Variants in EYS observed in about 807,000 individuals in gnomAD.
The protein encoded by EYS is EGF-like photoreceptor maintenance factor.
A neutral mutation model predicts 282.1 loss-of-function variants in EYS; 250 were observed. That is an observed-to-expected ratio of 0.89 (90% CI 0.80 to 0.98). The LOEUF is 0.98. Ranked by LOEUF, EYS falls within the 50% of genes least tolerant of loss-of-function variation. The pLI, the probability that EYS is intolerant of heterozygous loss-of-function variation, is 0.00. For missense variants in EYS, 4,016 were observed against 3,709.0 expected (o/e 1.08, Z -2.15); for synonymous variants, 1,355 against 1,282.9 (o/e 1.06, Z -1.20).
At chr6:63,996,505 G>T (rs186038604) in intron 34 of EYS, among the ~76,000 whole-genome samples, 2 of 151,840 alleles carry the variant, frequency 1.3e-5, no homozygotes, top group African/African-American at 4.8e-5. Flanking sequence ...CATAAATCAC[G>T]TTCAGCACAT....
chr6:64,059,505 C>T (rs1484230837), intron 33 of EYS, among the ~76,000 whole-genome samples: 2 of 152,146 alleles, frequency 1.3e-5, no homozygotes, highest in Non-Finnish European at 2.9e-5. Flanking sequence ...CTCAGGTTCA[C>T]ATTCAGACTG....
chr6:65,506,191 G>A (rs145232770), intron 2 of EYS, among the ~76,000 whole-genome samples: 103 of 152,088 alleles, frequency 6.8e-4, no homozygotes, highest in Middle Eastern at 3.4e-3. Flanking sequence ...ATCTTTTCTC[G>A]TCTCTTTTAA....
chr6:63,847,755 G>T (rs572032739), intron 36 of EYS, among the ~76,000 whole-genome samples: 39 of 152,240 alleles, frequency 2.6e-4, no homozygotes, highest in Admixed American at 7.9e-4. Context: ...GTCTATTCAA[G>T]TTTAGTTGAT....
At position 63,779,665 on chromosome 6, in the gene EYS, G is replaced by A. The variant is rs148476815; in HGVS notation, c.7724-1485C>T. The stretch of plus-strand genomic sequence containing the variant: ...AAATGGGAACATCAACCAGAAATAA[G>A]GTCTTTAAAATGATAAAATAAAGGC... On this transcript the variant is annotated intron_variant, in intron 39 of 42. Transcript: ENST00000503581. Among the ~76,000 whole-genome samples the A allele has an allele frequency of 6.9e-3, 1,049 of 151,242 alleles. 8 individuals are homozygous for A. Among genetic ancestry groups the A allele is most frequent in the Non-Finnish European group, 0.011 (742 of 67,890 alleles).
chr6:64,815,373 G>A (rs139288928), intron 21 of EYS: 9 of 228,042 alleles, frequency 3.9e-5, no homozygotes, highest in African/African-American at 2.1e-4. Flanking sequence ...GATATGTATA[G>A]AATGATTTAT....
At chr6:63,742,231 G>GC (rs1554165925) in intron 41 of EYS, among the ~76,000 whole-genome samples, 9 of 151,212 alleles carry the variant, frequency 6.0e-5, no homozygotes, top group Admixed American at 2.0e-4. Flanking sequence ...TCTGGTCAAG[G>GC]TTTTTTTTTA....
intron 5 of EYS, among the ~76,000 whole-genome samples, chr6:65,479,786 T>C (rs1765539675): frequency 6.6e-6 from 1 of 152,116 alleles, no homozygotes; most frequent in Non-Finnish European, 1.5e-5. Context: ...GCACAAAACA[T>C]ACAAAATGTG....
intron 28 of EYS, among the ~76,000 whole-genome samples, chr6:64,413,689 A>G (rs2150445643): frequency 6.6e-6 from 1 of 152,300 alleles, no homozygotes; most frequent in South Asian, 2.1e-4. Context: ...TTAAGGGACT[A>G]AGATACTAGT....
intron 1 of EYS, among the ~76,000 whole-genome samples, chr6:65,703,319 T>C (rs1200961475): frequency 1.3e-5 from 2 of 152,154 alleles, no homozygotes; most frequent in Non-Finnish European, 2.9e-5. Flanking sequence ...AACAGATACA[T>C]AGAAAGATAC....
intron 26 of EYS, among the ~76,000 whole-genome samples, chr6:64,501,639 G>A (rs1009775919): frequency 3.3e-5 from 5 of 152,142 alleles, no homozygotes; most frequent in African/African-American, 9.6e-5. Context: ...GCTGCTACTC[G>A]GAAATACCCA....
intron 12 of EYS, among the ~76,000 whole-genome samples, chr6:65,238,081 T>A (rs1036532483): frequency 6.6e-6 from 1 of 151,872 alleles, no homozygotes; most frequent in African/African-American, 2.4e-5. Context: ...TTTTTCTTTT[T>A]TACCAAAGTT....
Position 64,436,204 on chromosome 6 carries a change from T to C in EYS, c.5897A>G (p.Asp1966Gly). ...AAGCAGTGTATACTTTTGCCCGTTG[T>C]CCACTCTAACAGTAGTATTAATGCT... ...FKSINTTVRV[D>G]NGQKYTLLIR... Residue 1966 changes from aspartate to glycine, a missense_variant, in exon 28 of 43, where the codon GAC (aspartate) becomes GGC (glycine). By Grantham distance (94) the Asp-to-Gly change is moderately conservative. Transcript: ENST00000503581. 1 of 1,544,390 alleles carries C rather than the reference T, an allele frequency of 6.5e-7. No individual in the cohort carries two copies. The highest frequency in any genetic ancestry group is 8.8e-7 in the Non-Finnish European group (1 of 1,142,410).
At chr6:65,440,778 G>A (rs865875794) in intron 5 of EYS, among the ~76,000 whole-genome samples, 4 of 149,600 alleles carry the variant, frequency 2.7e-5, no homozygotes, top group Non-Finnish European at 4.4e-5. Flanking sequence ...TTATATTAAT[G>A]TCTGCTTCAC....
At chr6:64,610,013 A>G (rs1375256089) in intron 24 of EYS, among the ~76,000 whole-genome samples, 1 of 152,090 alleles carries the variant, frequency 6.6e-6, no homozygotes, top group Non-Finnish European at 1.5e-5. Context: ...CATTTATGGC[A>G]TAGAGGAAAG....
intron 35 of EYS, among the ~76,000 whole-genome samples, chr6:63,915,782 G>A (rs1447122356): frequency 6.6e-6 from 1 of 152,186 alleles, no homozygotes; most frequent in Admixed American, 6.5e-5. Context: ...AATTGCAGAT[G>A]TGGTGAAAAA....
chr6:64,437,956 GTTA>G (rs1774808943), intron 27 of EYS, among the ~76,000 whole-genome samples: 1 of 151,588 alleles, frequency 6.6e-6, no homozygotes, highest in South Asian at 2.1e-4. Flanking sequence ...CCCAAATGCT[GTTA>G]TTATGTTTCA....
chr6:64,293,864 G>C (rs544871543), intron 30 of EYS, among the ~76,000 whole-genome samples: 82 of 152,180 alleles, frequency 5.4e-4, no homozygotes, highest in Non-Finnish European at 6.5e-4. Flanking sequence ...TGCTTCTGTA[G>C]GGAAGAAACT....
In EYS at chr6:65,517,295, G is replaced by T. The variant is rs190542404; in HGVS notation, c.-332-21302C>A. Among the ~76,000 whole-genome samples the T allele has an allele frequency of 2.0e-3, 292 of 147,938 alleles. 1 individual carries two copies. Among genetic ancestry groups the T allele is most frequent in the African/African-American group, 7.0e-3 (281 of 39,922 alleles). ...TCCCATTTTTTAAATAAAAATAATT[G>T]TCTGTAACAAAAGTATTTTGGAATC... On this transcript the variant is annotated intron_variant, in intron 2 of 42. Coordinates refer to ENST00000503581, the MANE Select transcript of EYS (RefSeq NM_001142800.2).
chr6:64,128,704 C>G (rs1252032769), intron 31 of EYS, among the ~76,000 whole-genome samples: 1 of 152,112 alleles, frequency 6.6e-6, no homozygotes, highest in Non-Finnish European at 1.5e-5. Context: ...CAGCAATGTT[C>G]TACTTATTTG....
Sources: allele counts gnomAD v4.1 joint callset (sites outside exome capture counted in the v4.1 genomes callset), GRCh38; gene constraint gnomAD v4.1.1; transcripts MANE v1.5; gene names NCBI Gene and HGNC (gene_info 2026-07-23, HGNC 2026-07-21).